The following C6orf132 variants were observed in gnomAD, a reference collection of about 807,000 sequenced individuals.
C6orf132 encodes the protein chromosome 6 open reading frame 132, also known as uncharacterized protein C6orf132.
In C6orf132, 43 loss-of-function variants were observed where a neutral mutation model predicts 65.3. That is an observed-to-expected ratio of 0.66 (90% CI 0.52 to 0.85). The LOEUF (loss-of-function observed/expected upper bound fraction) is 0.85. Ranked by LOEUF, C6orf132 falls within the 40% of genes least tolerant of loss-of-function variation. C6orf132 has a pLI of 0.00. For synonymous variants in C6orf132, 631 were observed against 654.1 expected (o/e 0.96, Z 0.54); for missense variants, 1,488 against 1,548.8 (o/e 0.96, Z 0.66).
At chr6:42,131,583 G>T (rs1293080834) in intron 1 of C6orf132, among the ~76,000 whole-genome samples, 2 of 152,210 alleles carry the variant, frequency 1.3e-5, no homozygotes, top group African/African-American at 4.8e-5. Context: ...ATGTACGGGG[G>T]TGAGGAAGGC....
At chr6:42,135,744 C>T (rs542626029) in intron 1 of C6orf132, among the ~76,000 whole-genome samples, 5 of 152,320 alleles carry the variant, frequency 3.3e-5, no homozygotes, top group African/African-American at 1.2e-4. Context: ...GTGTTATGAG[C>T]AAGGCACTAT....
Position 42,105,116 on chromosome 6 carries a change from C to T in C6orf132, c.2796G>A (p.Arg932=). The T allele has an allele frequency of 6.5e-7, 1 of 1,536,954 alleles. No individual in the cohort carries two copies. The highest frequency in any genetic ancestry group is 8.7e-7 in the Non-Finnish European group (1 of 1,146,834). ...GGGGCTCTGGCTTTGTCCAGTTGTG[C>T]CTGCGGCTCAGCTCTGTGCCCTCTG... ...RDAEGTELSR[R]HNWTKPEPQA... Residue 932 remains arginine (R), a synonymous_variant, in exon 4 of 5, where the codon AGG becomes AGA. Coordinates refer to ENST00000341865, the MANE Select transcript of C6orf132 (RefSeq NM_001164446.3).
At position 42,104,521 on chromosome 6, in the gene C6orf132, C is replaced by A. The variant is rs866592048; in HGVS notation, c.3391G>T (p.Glu1131Ter). ...SLEGAARGAAEAKHKAPGSAD... is the reference protein window; with the variant it reads ...SLEGAARGAA ...CTGCCGGGCGCTTTGTGCTTGGCCTCCGCGGCGCCCCGGGCGGCGCCCTCC... is the reference window on the plus strand; with the variant it reads ...CTGCCGGGCGCTTTGTGCTTGGCCTACGCGGCGCCCCGGGCGGCGCCCTCC... Residue 1131 changes from glutamate to a stop codon, truncating the protein, a stop_gained, in exon 4 of 5, where the codon GAG becomes TAG. Transcript: ENST00000341865. LOFTEE classifies it high-confidence loss of function. The surrounding 1 kb of genome is among the most constrained non-coding windows in gnomAD (Gnocchi z 4.1). 3 of 1,235,034 alleles carry A rather than the reference C, an allele frequency of 2.4e-6. No individual in the cohort carries two copies. The highest frequency in any genetic ancestry group is 4.0e-5 in the South Asian group (1 of 25,134). The allele number at this position is 1,235,034 out of a possible 1,614,324, so 76.5% of individuals were successfully genotyped here.
chr6:42,104,584 C>T lies in C6orf132; in HGVS notation c.3328G>A (p.Ala1110Thr). The T allele has an allele frequency of 7.5e-7, 1 of 1,325,584 alleles. No individual in the cohort carries two copies. Among genetic ancestry groups the T allele is most frequent in the Non-Finnish European group, 9.6e-7 (1 of 1,042,680 alleles). 82.1% of individuals were successfully genotyped at this position (1,325,584 alleles called of 1,614,324 possible). Reference sequence around the variant, plus strand: ...GGCGCGTGCAGGCCTCCGGGGGGCGCGCGACCCGCCGAGTTCACGCGCCGC... The same window carrying T: ...GGCGCGTGCAGGCCTCCGGGGGGCGTGCGACCCGCCGAGTTCACGCGCCGC... ...EMRRVNSAGRAPPGGLHAPRL... is the reference protein window; with the variant it reads ...EMRRVNSAGRTPPGGLHAPRL... The change falls in exon 4 of 5, where the codon GCG becomes ACG. Residue 1110 changes from alanine to threonine, a missense_variant. Ala to Thr is a moderately conservative substitution (Grantham distance 58). Coordinates refer to ENST00000341865, the MANE Select transcript of C6orf132 (RefSeq NM_001164446.3). This position sits in a 1 kb window ranked among gnomAD's most constrained non-coding sequence, Gnocchi z 4.1.
intron 2 of C6orf132, among the ~76,000 whole-genome samples, chr6:42,119,916 A>T (rs1301151672): frequency 1.3e-5 from 2 of 151,888 alleles, no homozygotes; most frequent in Admixed American, 1.3e-4. Context: ...ACCAACATGG[A>T]GAAACTTGTC....
At chr6:42,125,135 C>T (rs1281042864) in intron 2 of C6orf132, among the ~76,000 whole-genome samples, 1 of 152,012 alleles carries the variant, frequency 6.6e-6, no homozygotes, top group Non-Finnish European at 1.5e-5. Flanking sequence ...GAGAGGCAGG[C>T]AAGGGAGGTG....
rs1297524141 is a variant in C6orf132 at position 42,101,151 on chromosome 6, G to A, written c.*2610C>T. ...AAAAAAAAAAGCTTTATGGAAAACT[G>A]TGACAGGCCATATACAAATGTGAGG... is the stretch of plus-strand genomic sequence containing the variant. On this transcript the variant is annotated 3_prime_UTR_variant, in exon 5 of 5. Transcript: ENST00000341865. The A allele has an allele frequency of 1.3e-5, 2 of 151,878 alleles. No individual in the cohort carries two copies. Among genetic ancestry groups the A allele is most frequent in the Non-Finnish European group, 2.9e-5 (2 of 67,984 alleles). 9.4% of individuals were successfully genotyped at this position (151,878 alleles called of 1,614,324 possible). A position where few individuals can be genotyped will look rare whatever the true frequency, so the allele number is the denominator to read the frequency against.
chr6:42,110,067 A>G (rs1054796669), intron 3 of C6orf132, 149 bp downstream of exon 3: 1 of 646,018 alleles, frequency 1.5e-6, no homozygotes, highest in Non-Finnish European at 2.6e-6. Context: ...GCGGCCAGTA[A>G]TCAAGATGAC....
rs1766347016 is a variant in C6orf132, at chr6:42,104,266, A to G, written c.3449+197T>C. 6.8e-6 allele frequency among the ~76,000 whole-genome samples: 1 copy of G among 147,714 alleles called. No individual in the cohort carries two copies. The highest frequency in any genetic ancestry group is 1.5e-5 in the Non-Finnish European group (1 of 68,014). On this transcript the variant is annotated intron_variant, in intron 4 of 4. Transcript: ENST00000341865. The surrounding 1 kb of genome is among the most constrained non-coding windows in gnomAD (Gnocchi z 4.1). ...ACGAGAGGAGCTGGTGGGGAAAGAG[A>G]AGGGAGGTCAGGAGGGAGGTCAGGA...
At chr6:42,125,220 G>A (rs182201594) in intron 2 of C6orf132, among the ~76,000 whole-genome samples, 6 of 152,254 alleles carry the variant, frequency 3.9e-5, no homozygotes, top group Admixed American at 3.9e-4. Flanking sequence ...AGAGTAGAAC[G>A]GTCTGAATAG....
intron 2 of C6orf132, among the ~76,000 whole-genome samples, chr6:42,112,400 C>G (rs550109158): frequency 1.3e-5 from 2 of 152,366 alleles, no homozygotes; most frequent in African/African-American, 4.8e-5. Context: ...AGCATTGGCT[C>G]TGGCTTTCCA....
chr6:42,108,617 A>C (rs1416192917), intron 3 of C6orf132, among the ~76,000 whole-genome samples: 1 of 152,190 alleles, frequency 6.6e-6, no homozygotes, highest in Non-Finnish European at 1.5e-5. Context: ...TAGAGAATGG[A>C]GGCAGATTCT....
At chr6:42,116,554 C>T (rs1187822388) in intron 2 of C6orf132, among the ~76,000 whole-genome samples, 2 of 152,190 alleles carry the variant, frequency 1.3e-5, no homozygotes, top group African/African-American at 4.8e-5. Context: ...CTCCGCCTCA[C>T]TCCATTCTCC....
intron 2 of C6orf132, among the ~76,000 whole-genome samples, chr6:42,123,839 A>T (rs1766727396): frequency 2.0e-5 from 3 of 151,902 alleles, no homozygotes. Flanking sequence ...CTGTAGTCCT[A>T]CCCCCTCTGA....
At chr6:42,122,002 G>T (rs994136677) in intron 2 of C6orf132, among the ~76,000 whole-genome samples, 1 of 152,200 alleles carries the variant, frequency 6.6e-6, no homozygotes, top group Non-Finnish European at 1.5e-5. Context: ...GAGGATCAAG[G>T]ATGGAGAAAG....
In C6orf132 at chr6:42,137,567, C is replaced by T. The variant is rs73432059; in HGVS notation, c.145+4733G>A. 1.2e-4 allele frequency among the ~76,000 whole-genome samples: 19 copies of T among 152,112 alleles called. No homozygotes were observed. In the East Asian group the frequency reaches 2.9e-3, roughly 23 times the overall value. On this transcript the variant is annotated intron_variant, in intron 1 of 4. Coordinates refer to ENST00000341865, the MANE Select transcript of C6orf132 (RefSeq NM_001164446.3). ...GAACCTGCAGCCACACCAGAGGGCA[C>T]GAGGGTCCTCCTGATAAGGAGCTGG...
chr6:42,106,817 C>G lies in C6orf132; in HGVS notation c.1095G>C (p.Glu365Asp). The G allele has an allele frequency of 1.3e-6, 2 of 1,535,202 alleles. No homozygotes were observed. The highest frequency in any genetic ancestry group is 1.7e-6 in the Non-Finnish European group (2 of 1,146,712). Residue 365 changes from glutamate (E) to aspartate (D), a missense_variant, in exon 4 of 5, where the codon GAG (glutamate) becomes GAC (aspartate). Physicochemically the swap from Glu to Asp is conservative, Grantham distance 45 (BLOSUM62 2). Coordinates refer to ENST00000341865, the MANE Select transcript of C6orf132 (RefSeq NM_001164446.3). ...GGCTGGCTGGTGCTGTGGCCTTGAG[C>G]TCCCCAGGGCAGTCTGGCTCGGGGG... is the stretch of plus-strand genomic sequence containing the variant. ...DRAPEPDCPG[E>D]LKATAPASPR...
chr6:42,141,136 T>C (rs1019373957), intron 1 of C6orf132, among the ~76,000 whole-genome samples: 1 of 152,178 alleles, frequency 6.6e-6, no homozygotes, highest in Non-Finnish European at 1.5e-5. Context: ...TGATCTGATA[T>C]CTTTGTGCCA....
At chr6:42,109,269 C>T (rs1219496672) in intron 3 of C6orf132, among the ~76,000 whole-genome samples, 1 of 151,970 alleles carries the variant, frequency 6.6e-6, no homozygotes, top group Admixed American at 6.6e-5. Flanking sequence ...ACTGTCTCTA[C>T]TAAAAATACA....
Sources: gnomAD v4.1 joint callset for allele counts (sites outside exome capture counted in the v4.1 genomes callset) on GRCh38, gnomAD v4.1.1 for gene constraint, Gnocchi (gnomAD v3.1) non-coding constraint, MANE v1.5 for transcripts, NCBI Gene and HGNC (gene_info 2026-07-23, HGNC 2026-07-21) for gene names.